Variants in LRP1B observed in about 807,000 individuals in gnomAD.
LRP1B encodes LDL receptor related protein 1B, also known as low-density lipoprotein receptor-related protein 1B.
LRP1B carries 217 observed loss-of-function variants against 556.6 expected under a neutral mutation model. The observed-to-expected ratio is 0.39, with a 90% CI of 0.35 to 0.44. The LOEUF is 0.44. Among genes scored for constraint, LRP1B ranks in the 20% least tolerant of loss-of-function variants. The probability of loss-of-function intolerance (pLI) is 1.00; values close to 1 mark genes in which losing one functional copy is unlikely to be tolerated. For synonymous variants in LRP1B, 2,047 were observed against 1,865.8 expected, an observed-to-expected ratio of 1.10 and a Z score of -2.50; for missense variants, 5,053 against 5,620.8, an observed-to-expected ratio of 0.90 and a Z score of 3.23.
rs145617719 is a variant in LRP1B, at chr2:140,418,658, G to A, written c.10414+23846C>T. On this transcript the variant is annotated intron_variant, in intron 66 of 90. Coordinates refer to ENST00000389484, the MANE Select transcript of LRP1B (RefSeq NM_018557.3). ...ATATAAGCAACACACTTTGGGGGTC[G>A]GTGTTTCCCATCACCCCCAGATGAG... Among the ~76,000 whole-genome samples, 882 of 151,500 alleles carry A rather than the reference G, an allele frequency of 5.8e-3. 6 individuals carry two copies. Among genetic ancestry groups the A allele is most frequent in the African/African-American group, 0.02 (844 of 41,256 alleles).
chr2:141,988,277 T>A (rs953714942), intron 1 of LRP1B, among the ~76,000 whole-genome samples: 1 of 151,932 alleles, frequency 6.6e-6, no homozygotes, highest in African/African-American at 2.4e-5. Flanking sequence ...TGCTTTTAAA[T>A]GAATTACTGG....
At chr2:140,398,152 C>G (rs1684334025) in intron 66 of LRP1B, among the ~76,000 whole-genome samples, 1 of 151,946 alleles carries the variant, frequency 6.6e-6, no homozygotes, top group Non-Finnish European at 1.5e-5. Context: ...TTTATAACCA[C>G]AGTTAGCAAA....
intron 41 of LRP1B, among the ~76,000 whole-genome samples, chr2:140,681,013 A>G (rs890217665): frequency 1.3e-5 from 2 of 152,208 alleles, no homozygotes; most frequent in Admixed American, 1.3e-4. Context: ...AAGCTAAGCA[A>G]TGTGGGGTAT....
At chr2:140,351,590 C>G (rs577432038) in intron 76 of LRP1B, among the ~76,000 whole-genome samples, 1 of 152,114 alleles carries the variant, frequency 6.6e-6, no homozygotes, top group African/African-American at 2.4e-5. Context: ...TATCTAGAAT[C>G]CTGCTAAGTG....
At chr2:140,286,237 C>G (rs1384351258) in intron 84 of LRP1B, among the ~76,000 whole-genome samples, 4 of 151,762 alleles carry the variant, frequency 2.6e-5, no homozygotes, top group Non-Finnish European at 5.9e-5. Flanking sequence ...TTTAAAACCC[C>G]TAAGCAAGTT....
chr2:140,242,604 A>G (rs901047487), intron 87 of LRP1B, among the ~76,000 whole-genome samples: 2 of 151,158 alleles, frequency 1.3e-5, no homozygotes, highest in African/African-American at 4.8e-5. Flanking sequence ...AGTAGCATGA[A>G]TGCTGTATTA....
intron 2 of LRP1B, among the ~76,000 whole-genome samples, chr2:141,793,095 A>G (rs1695675895): frequency 6.6e-6 from 1 of 151,926 alleles, no homozygotes; most frequent in Non-Finnish European, 1.5e-5. Flanking sequence ...TCATGGTTGT[A>G]CATTACACAT....
At chr2:140,510,886 C>T (rs908590835) in intron 51 of LRP1B, among the ~76,000 whole-genome samples, 3 of 152,078 alleles carry the variant, frequency 2.0e-5, no homozygotes, top group African/African-American at 4.8e-5. Flanking sequence ...ATGGCCCTCC[C>T]TCATGATATT....
At chr2:141,198,036 C>G (rs1199417058) in intron 6 of LRP1B, among the ~76,000 whole-genome samples, 1 of 152,024 alleles carries the variant, frequency 6.6e-6, no homozygotes, top group African/African-American at 2.4e-5. Context: ...TATGAAGAAA[C>G]CTATTCCATT....
chr2:140,849,135 T>C (rs556511928), intron 29 of LRP1B, among the ~76,000 whole-genome samples: 1 of 148,118 alleles, frequency 6.8e-6, no homozygotes, highest in East Asian at 2.0e-4. Context: ...GGCGGGTGGA[T>C]TGCGAGGTCA....
rs77658401 is a variant in LRP1B, at chr2:142,013,186, C to T, written c.82+117462G>A. Among the ~76,000 whole-genome samples, 293 of 152,102 alleles carry T rather than the reference C, an allele frequency of 1.9e-3. 2 individuals carry two copies. The highest frequency in any genetic ancestry group is 6.8e-3 in the African/African-American group (284 of 41,494). ...ATGGGTAAAAATGGCGCTCATAATC[C>T]TTATTACTTTTTTTTCAATTAAGAT... On this transcript the variant is annotated intron_variant, in intron 1 of 90. Coordinates refer to ENST00000389484, the MANE Select transcript of LRP1B (RefSeq NM_018557.3).
intron 2 of LRP1B, among the ~76,000 whole-genome samples, chr2:141,747,484 C>T (rs1223966056): frequency 6.6e-6 from 1 of 152,056 alleles, no homozygotes; most frequent in African/African-American, 2.4e-5. Flanking sequence ...TTAAAAGAAG[C>T]TTGCTAGCTT....
At position 141,568,730 on chromosome 2, in the gene LRP1B, C is replaced by T. The variant is rs1355246482; in HGVS notation, c.206-88197G>A. On this transcript the variant is annotated intron_variant, in intron 2 of 90. Transcript: ENST00000389484. ...ATGTTAATTTGTTCATTTAGTCAGT[C>T]ATCAAACATTTATTTCATATTCATT... is the stretch of plus-strand genomic sequence containing the variant. 6.0e-5 allele frequency among the ~76,000 whole-genome samples: 9 copies of T among 151,054 alleles called. 1 individual carries two copies. The highest frequency in any genetic ancestry group is 3.0e-5 in the Non-Finnish European group (2 of 67,428).
intron 82 of LRP1B, among the ~76,000 whole-genome samples, 165 bp from the exon 83 acceptor site, chr2:140,315,264 G>A (rs930323662): frequency 6.6e-6 from 1 of 152,088 alleles, no homozygotes; most frequent in Non-Finnish European, 1.5e-5. Context: ...AAAACAGATA[G>A]ATTCTGGTTG....
At chr2:140,948,521 T>C (rs1695609754) in intron 20 of LRP1B, among the ~76,000 whole-genome samples, 1 of 152,204 alleles carries the variant, frequency 6.6e-6, no homozygotes, top group Non-Finnish European at 1.5e-5. Flanking sequence ...CTTGAACTTA[T>C]TACATAATGG....
chr2:140,993,954 C>A (rs746969167), intron 16 of LRP1B, 41 bp downstream of exon 16: 1 of 1,601,574 alleles, frequency 6.2e-7, no homozygotes, highest in South Asian at 1.1e-5. Context: ...CTCAAAGACT[C>A]AGGAAAATAC....
chr2:140,975,773 A>C (rs1191962154), intron 18 of LRP1B, among the ~76,000 whole-genome samples: 1 of 152,186 alleles, frequency 6.6e-6, no homozygotes, highest in African/African-American at 2.4e-5. Flanking sequence ...TTTCTTAGAA[A>C]ATAAAAAATA....
chr2:141,069,330 T>C (rs1349429991), intron 7 of LRP1B, among the ~76,000 whole-genome samples: 7 of 152,098 alleles, frequency 4.6e-5, no homozygotes, highest in Admixed American at 4.6e-4. Flanking sequence ...GCACTAAAAA[T>C]GTGGAGAAAT....
At chr2:140,695,985 G>T (rs1372292720) in intron 41 of LRP1B, among the ~76,000 whole-genome samples, 1 of 152,078 alleles carries the variant, frequency 6.6e-6, no homozygotes, top group African/African-American at 2.4e-5. Flanking sequence ...CTATATGAAG[G>T]ATCAAAGTCT....
Sources: gnomAD v4.1 joint callset for allele counts (sites outside exome capture counted in the v4.1 genomes callset) on GRCh38, gnomAD v4.1.1 for gene constraint, MANE v1.5 for transcripts, NCBI Gene and HGNC (gene_info 2026-07-23, HGNC 2026-07-21) for gene names.